CEP290: variants seen among roughly 807,000 people sequenced by gnomAD.
CEP290 encodes the protein centrosomal protein of 290 kDa.
A neutral mutation model predicts 344.9 loss-of-function variants in CEP290; 317 were observed. That is an observed-to-expected ratio of 0.92 (90% CI 0.84 to 1.01). The LOEUF (loss-of-function observed/expected upper bound fraction) is 1.01. Ranked by LOEUF, CEP290 falls within the 50% of genes least tolerant of loss-of-function variation. CEP290 has a pLI of 0.00. For missense variants in CEP290, 2,754 were observed against 2,761.4 expected (o/e 1.00, Z 0.06); for synonymous variants, 932 against 895.8 (o/e 1.04, Z -0.72).
chr12:88,080,035 C>T, intron 38 of CEP290, 147 bp downstream of exon 38: 3 of 588,946 alleles, frequency 5.1e-6, no homozygotes, highest in South Asian at 2.7e-5. Flanking sequence ...TCTAAAATAC[C>T]TTGTTTAACA....
chr12:88,055,487 G>C, intron 50 of CEP290, 89 bp downstream of exon 50: 2 of 1,179,856 alleles, frequency 1.7e-6, no homozygotes, highest in South Asian at 3.8e-5. Flanking sequence ...TCTTAATAGA[G>C]TCCATTTTTA....
At chr12:88,072,338 T>C (rs879838103) in intron 41 of CEP290, among the ~76,000 whole-genome samples, 27 of 152,152 alleles carry the variant, frequency 1.8e-4, no homozygotes, top group Non-Finnish European at 3.2e-4. Context: ...CACATCAGAA[T>C]TTTCCACTTG....
chr12:88,136,715 T>C lies in CEP290; in HGVS notation c.369A>G (p.Gln123=). The C allele has an allele frequency of 6.2e-7, 1 of 1,613,776 alleles. No individual in the cohort carries two copies. The highest frequency in any genetic ancestry group is 8.5e-7 in the Non-Finnish European group (1 of 1,179,756). Reference sequence around the variant, plus strand: ...CCAATTCTCTATCTTTTTGTTCTAATTGTTTTTCAAGTTGGCAAATTTCAT... The same window carrying C: ...CCAATTCTCTATCTTTTTGTTCTAACTGTTTTTCAAGTTGGCAAATTTCAT... ...LRNEICQLEK[Q]LEQKDRELED... is the part of the protein sequence containing the mutation. The change falls in exon 6 of 54, where the codon CAA becomes CAG. Residue 123 remains glutamine (Q), a synonymous_variant. Coordinates refer to ENST00000552810, the MANE Select transcript of CEP290 (RefSeq NM_025114.4).
chr12:88,141,457 G>A (rs1366839530), intron 1 of CEP290, 123 bp from the exon 2 acceptor site: 10 of 473,848 alleles, frequency 2.1e-5, no homozygotes, highest in Non-Finnish European at 3.7e-5. Context: ...ACAGACAATT[G>A]GGCCACAAAA....
rs923762331 is a variant in CEP290, at chr12:88,059,100, T to C, written c.6646-80A>G. ...GATTCAGTGTATTCAAAATTATCAT[T>C]ACAAATTGGAAAACAAAAATAACCT... On this transcript the variant is annotated intron_variant, in intron 48 of 53. Transcript: ENST00000552810. 3 of 1,222,838 alleles carry C rather than the reference T, an allele frequency of 2.5e-6. No homozygotes were observed. The African/African-American group carries it at 4.6e-5, about 19-fold the overall frequency. 75.7% of individuals were successfully genotyped at this position (1,222,838 alleles called of 1,614,324 possible).
chr12:88,072,635 C>T (rs1227674636), intron 41 of CEP290, among the ~76,000 whole-genome samples: 2 of 152,170 alleles, frequency 1.3e-5, no homozygotes, highest in Admixed American at 1.3e-4. Flanking sequence ...CCAACCTCAT[C>T]TATTATCCCA....
rs886049886 is a variant in CEP290, at chr12:88,141,910, C to G, written c.-38G>C. On this transcript the variant is annotated 5_prime_UTR_variant, in exon 1 of 54. Coordinates refer to ENST00000552810, the MANE Select transcript of CEP290 (RefSeq NM_025114.4). ...CAAGGATCCACCCACCTAGACCAAGCCTGGCAACCAGCGGAGGCCTCTCAC... is the reference window on the plus strand; with the variant it reads ...CAAGGATCCACCCACCTAGACCAAGGCTGGCAACCAGCGGAGGCCTCTCAC... 6.6e-6 allele frequency: 1 copy of G among 152,542 alleles called. No individual in the cohort carries two copies. The highest frequency in any genetic ancestry group is 6.5e-5 in the Admixed American group (1 of 15,286). 9.4% of individuals were successfully genotyped at this position (152,542 alleles called of 1,614,324 possible).
chr12:88,077,497 T>A (rs1432628439), intron 40 of CEP290, among the ~76,000 whole-genome samples, 153 bp from the exon 41 acceptor site: 1 of 152,082 alleles, frequency 6.6e-6, no homozygotes, highest in Non-Finnish European at 1.5e-5. Context: ...TGGTAGCTGC[T>A]TCTGCATTTT....
chr12:88,110,365 A>T (rs1042057721), intron 22 of CEP290, among the ~76,000 whole-genome samples: 2 of 152,154 alleles, frequency 1.3e-5, no homozygotes, highest in Non-Finnish European at 2.9e-5. Context: ...TGGTAGATTA[A>T]CATTTTATTG....
At chr12:88,127,493 C>T (rs2039805436) in intron 11 of CEP290, among the ~76,000 whole-genome samples, 1 of 151,506 alleles carries the variant, frequency 6.6e-6, no homozygotes, top group African/African-American at 2.4e-5. Flanking sequence ...GTCTCAAAAA[C>T]AAAAACAAAA....
chr12:88,121,113 T>C lies in CEP290; in HGVS notation c.1243A>G (p.Ile415Val). ...THMKIQSTLD[I>V]LKEKTKEAER... ...GCCTCTTTAGTTTTCTCTTTTAAAA[T>C]GTCTAACGTTGACTGAATTTTCATA... is the stretch of plus-strand genomic sequence containing the variant. The change falls in exon 14 of 54, where the codon ATT becomes GTT. Residue 415 changes from isoleucine (I) to valine (V), a missense_variant. By Grantham distance (29) the Ile-to-Val change is conservative (BLOSUM62 3). Transcript: ENST00000552810. 6.2e-7 allele frequency: 1 copy of C among 1,613,530 alleles called. No individual in the cohort carries two copies. The highest frequency in any genetic ancestry group is 1.1e-5 in the South Asian group (1 of 91,054).
At chr12:88,068,040 G>C (rs1309962390) in intron 44 of CEP290, among the ~76,000 whole-genome samples, 1 of 152,056 alleles carries the variant, frequency 6.6e-6, no homozygotes, top group African/African-American at 2.4e-5. Context: ...TCACACACCT[G>C]ATTCTGCTTA....
At chr12:88,076,247 T>C (rs1039530319) in intron 41 of CEP290, among the ~76,000 whole-genome samples, 1 of 152,120 alleles carries the variant, frequency 6.6e-6, no homozygotes, top group Non-Finnish European at 1.5e-5. Context: ...TCCACGCAAA[T>C]AGTGTCAATA....
chr12:88,079,180 G>A lies in CEP290; in HGVS notation c.5276C>T (p.Ala1759Val). ...LELRAEMTAA[A>V]EERIISATSQ... ...AGTTGCAGAAATAATACGTTCTTCAGCAGCTGCTGTCATTTCTGCCCGGAG... is the reference window on the plus strand; with the variant it reads ...AGTTGCAGAAATAATACGTTCTTCAACAGCTGCTGTCATTTCTGCCCGGAG... Residue 1759 changes from alanine (A) to valine (V), a missense_variant, in exon 39 of 54, where the codon GCT becomes GTT. Coordinates refer to ENST00000552810, the MANE Select transcript of CEP290 (RefSeq NM_025114.4). 1 of 1,601,276 alleles carries A rather than the reference G, an allele frequency of 6.2e-7. No homozygotes were observed. The highest frequency in any genetic ancestry group is 8.5e-7 in the Non-Finnish European group (1 of 1,175,214).
In CEP290 at chr12:88,106,711, T is replaced by C. The variant is rs2137612847; in HGVS notation, c.2781A>G (p.Glu927=). The C allele has an allele frequency of 9.3e-6, 15 of 1,611,102 alleles. No homozygotes were observed. The highest frequency in any genetic ancestry group is 1.3e-5 in the Non-Finnish European group (15 of 1,178,918). ...GCAAACACCCAATTTTTTCACAAAC[T>C]TCAGCCTCCATTGACAACAATTCAT... ...QKNELLSMEA[E]VCEKIGCLQR... Residue 927 remains glutamate, a synonymous_variant, in exon 25 of 54, where the codon GAA becomes GAG. Transcript: ENST00000552810.
Position 88,083,118 on chromosome 12 carries a change from A to T in CEP290, c.4925T>A (p.Val1642Asp). The T allele has an allele frequency of 6.5e-7, 1 of 1,546,240 alleles. No individual in the cohort carries two copies. The highest frequency in any genetic ancestry group is 8.7e-7 in the Non-Finnish European group (1 of 1,144,810). The change falls in exon 37 of 54, where the codon GTC (valine) becomes GAC (aspartate). Residue 1642 changes from valine (V) to aspartate (D), a missense_variant. Val to Asp is a radical substitution (Grantham distance 152). Transcript: ENST00000552810. ...EQDDSLSSLLVKLKKVSQDLE... is the reference protein window; with the variant it reads ...EQDDSLSSLLDKLKKVSQDLE... Reference sequence around the variant, plus strand: ...ATCTTGTGATACTTTCTTTAGTTTGACCAAGAGTGAGGAAAGAGAGTCATC... The same window carrying T: ...ATCTTGTGATACTTTCTTTAGTTTGTCCAAGAGTGAGGAAAGAGAGTCATC...
chr12:88,080,130 C>A (rs2036084668), intron 38 of CEP290, 52 bp downstream of exon 38: 8 of 1,167,462 alleles, frequency 6.9e-6, no homozygotes, highest in South Asian at 1.5e-5. Flanking sequence ...TCTCTAAAAG[C>A]AATCTACCAC....
At chr12:88,112,854 A>T (rs2038789374) in intron 20 of CEP290, among the ~76,000 whole-genome samples, 3 of 152,148 alleles carry the variant, frequency 2.0e-5, no homozygotes. Flanking sequence ...ACTCTGACTG[A>T]CAACAAGGTG....
intron 13 of CEP290, among the ~76,000 whole-genome samples, chr12:88,123,138 T>TC (rs377650439): frequency 1.1e-4 from 16 of 152,206 alleles, no homozygotes; most frequent in African/African-American, 3.9e-4. Context: ...TAGGATCCCA[T>TC]CCCATTGCAT....
Sources: allele counts gnomAD v4.1 joint callset (sites outside exome capture counted in the v4.1 genomes callset), GRCh38; gene constraint gnomAD v4.1.1; transcripts MANE v1.5; gene names NCBI Gene and HGNC (gene_info 2026-07-23, HGNC 2026-07-21).